The following RAB3C variants were observed in gnomAD, a reference collection of about 807,000 sequenced individuals.
The protein encoded by RAB3C is ras-related protein Rab-3C.
A neutral mutation model predicts 26.4 loss-of-function variants in RAB3C; 17 were observed. The observed-to-expected ratio is 0.64, with a 90% CI of 0.44 to 0.97. RAB3C has a LOEUF of 0.97. RAB3C is among the 50% of genes least tolerant of loss of function. The pLI, the probability that RAB3C is intolerant of heterozygous loss-of-function variation, is 0.00. For synonymous variants in RAB3C, 91 were observed against 95.9 expected, an observed-to-expected ratio of 0.95 and a Z score of 0.30; for missense variants, 242 against 281.9, an observed-to-expected ratio of 0.86 and a Z score of 1.01.
chr5:58,845,612 A>ATATATATATATATATATATATATATGTG lies in RAB3C; in HGVS notation c.497-5551_497-5550insATATATATATATATATATATATATGTGT. 9.1e-4 allele frequency among the ~76,000 whole-genome samples: 74 copies of ATATATATATATATATATATATATATGTG among 81,660 alleles called. 2 individuals carry two copies. Among genetic ancestry groups the ATATATATATATATATATATATATATGTG allele is most frequent in the African/African-American group, 4.0e-3 (68 of 17,148 alleles). 53.6% of individuals were successfully genotyped at this position (81,660 alleles called of 152,430 possible). ...ATTCTTACTATATATATATATATAT[A>ATATATATATATATATATATATATATGTG]TGTGTGTGTGTGTGTGTGTATATGT... On this transcript the variant is annotated intron_variant, in intron 4 of 4. Coordinates refer to ENST00000282878, the MANE Select transcript of RAB3C (RefSeq NM_138453.4).
intron 2 of RAB3C, among the ~76,000 whole-genome samples, chr5:58,667,564 CT>C (rs1748026913): frequency 6.6e-6 from 1 of 152,108 alleles, no homozygotes; most frequent in Non-Finnish European, 1.5e-5. Flanking sequence ...TAAGCAGCTG[CT>C]TTTGTGTGCC....
intron 3 of RAB3C, among the ~76,000 whole-genome samples, chr5:58,743,227 C>T (rs959927315): frequency 6.6e-6 from 1 of 152,118 alleles, no homozygotes; most frequent in African/African-American, 2.4e-5. Flanking sequence ...ATCTAATGTA[C>T]CTGGCATCAT....
intron 2 of RAB3C, among the ~76,000 whole-genome samples, chr5:58,712,086 C>T (rs1749072526): frequency 6.6e-6 from 1 of 152,172 alleles, no homozygotes; most frequent in Non-Finnish European, 1.5e-5. Flanking sequence ...CTACCCATCA[C>T]TGGAAACCTG....
chr5:58,610,790 G>T (rs146271979), intron 1 of RAB3C, among the ~76,000 whole-genome samples: 1 of 151,954 alleles, frequency 6.6e-6, no homozygotes, highest in Non-Finnish European at 1.5e-5. Flanking sequence ...GGGTACATGC[G>T]CAGGTTTGTA....
chr5:58,594,618 C>T (rs1231486112), intron 1 of RAB3C, among the ~76,000 whole-genome samples: 3 of 151,990 alleles, frequency 2.0e-5, no homozygotes, highest in Admixed American at 1.3e-4. Context: ...TCCTTTGTCT[C>T]GTAAGTGCAT....
At chr5:58,613,035 G>C (rs545369578) in intron 1 of RAB3C, among the ~76,000 whole-genome samples, 1 of 152,200 alleles carries the variant, frequency 6.6e-6, no homozygotes, top group Non-Finnish European at 1.5e-5. Context: ...GAGTGGCCAA[G>C]TGAATTCCTG....
intron 1 of RAB3C, among the ~76,000 whole-genome samples, chr5:58,592,821 C>T (rs960980345): frequency 6.6e-6 from 1 of 151,886 alleles, no homozygotes; most frequent in Non-Finnish European, 1.5e-5. Context: ...TTTCATCTGA[C>T]TGTTTTCAAG....
chr5:58,724,682 C>T (rs1561301119), intron 2 of RAB3C, among the ~76,000 whole-genome samples: 1 of 150,958 alleles, frequency 6.6e-6, no homozygotes, highest in Non-Finnish European at 1.5e-5. Context: ...GGGTTCTTTA[C>T]CAAAAAAAGA....
At chr5:58,730,020 A>G (rs1740978640) in intron 3 of RAB3C, among the ~76,000 whole-genome samples, 1 of 150,900 alleles carries the variant, frequency 6.6e-6, no homozygotes, top group African/African-American at 2.4e-5. Context: ...CAAAAAATAC[A>G]GAAATTACTT....
chr5:58,836,842 G>A (rs1039831506), intron 4 of RAB3C, among the ~76,000 whole-genome samples: 1 of 152,138 alleles, frequency 6.6e-6, no homozygotes, highest in Non-Finnish European at 1.5e-5. Context: ...CAATAAGCAC[G>A]GGGGTGCAGA....
intron 2 of RAB3C, among the ~76,000 whole-genome samples, chr5:58,626,844 G>A (rs897183458): frequency 6.6e-6 from 1 of 152,140 alleles, no homozygotes. Context: ...TAAATAAATT[G>A]CCAGTTTGCA....
At chr5:58,646,061 G>A (rs964478513) in intron 2 of RAB3C, among the ~76,000 whole-genome samples, 2 of 152,188 alleles carry the variant, frequency 1.3e-5, no homozygotes, top group Non-Finnish European at 2.9e-5. Flanking sequence ...TTGGTTAAAA[G>A]TTTCACAAAA....
At chr5:58,645,963 G>A (rs1164840907) in intron 2 of RAB3C, among the ~76,000 whole-genome samples, 2 of 152,344 alleles carry the variant, frequency 1.3e-5, no homozygotes, top group East Asian at 3.9e-4. Context: ...TTCACATTCA[G>A]TGTTGCCTAT....
intron 1 of RAB3C, among the ~76,000 whole-genome samples, chr5:58,611,820 A>G (rs576550178): frequency 2.7e-4 from 41 of 152,158 alleles, no homozygotes; most frequent in African/African-American, 4.1e-4. Flanking sequence ...TCCTATGTCA[A>G]TAATGGTATT....
At chr5:58,653,435 A>G (rs964367469) in intron 2 of RAB3C, among the ~76,000 whole-genome samples, 2 of 152,202 alleles carry the variant, frequency 1.3e-5, no homozygotes, top group Non-Finnish European at 2.9e-5. Flanking sequence ...TGACCCAGCA[A>G]TCCCATTACT....
intron 3 of RAB3C, among the ~76,000 whole-genome samples, chr5:58,790,218 A>T (rs1281232234): frequency 6.6e-6 from 1 of 152,208 alleles, no homozygotes; most frequent in East Asian, 1.9e-4. Flanking sequence ...TTTAATGCCA[A>T]ACACTATCAC....
At chr5:58,617,097 A>G (rs1283705844) in intron 1 of RAB3C, among the ~76,000 whole-genome samples, 1 of 152,102 alleles carries the variant, frequency 6.6e-6, no homozygotes, top group Non-Finnish European at 1.5e-5. Context: ...AACTATATAT[A>G]TTTGCCATCA....
intron 1 of RAB3C, among the ~76,000 whole-genome samples, chr5:58,598,928 T>G (rs774089326): frequency 1.3e-5 from 2 of 152,100 alleles, no homozygotes; most frequent in African/African-American, 4.8e-5. Flanking sequence ...AAGAAGAATA[T>G]CAAAGATAAT....
intron 3 of RAB3C, among the ~76,000 whole-genome samples, chr5:58,780,644 T>G (rs963028338): frequency 2.0e-5 from 3 of 152,074 alleles, no homozygotes. Context: ...GTGCTTACAA[T>G]GCATTCAGCA....
Sources: gnomAD v4.1 joint callset for allele counts (sites outside exome capture counted in the v4.1 genomes callset) on GRCh38, gnomAD v4.1.1 for gene constraint, MANE v1.5 for transcripts, NCBI Gene and HGNC (gene_info 2026-07-23, HGNC 2026-07-21) for gene names.